The following MVB12B variants were observed in gnomAD, a reference collection of about 807,000 sequenced individuals.
The protein encoded by MVB12B is ESCRT-I complex subunit MVB12B.
In MVB12B, 16 loss-of-function variants were observed where a neutral mutation model predicts 41.6. The observed-to-expected ratio is 0.38, with a 90% CI of 0.26 to 0.58. The LOEUF (loss-of-function observed/expected upper bound fraction) is 0.58, where lower values mean the gene tolerates loss of function less well. Ranked by LOEUF, MVB12B falls within the 20% of genes least tolerant of loss-of-function variation. The pLI is 0.62. For missense variants in MVB12B, 274 were observed against 380.2 expected, an observed-to-expected ratio of 0.72 and a Z score of 2.32; for synonymous variants, 133 against 139.7, an observed-to-expected ratio of 0.95 and a Z score of 0.34.
Position 126,432,811 on chromosome 9 carries a change from G to A in MVB12B, c.757+10863G>A, listed in dbSNP as rs187962034. On this transcript the variant is annotated intron_variant, in intron 7 of 9. Transcript: ENST00000361171. ...AGGATGCTTCTTTAGCACAGGTTGCGTGTGACCGTTTCCCTCCCCTCATCA... is the reference window on the plus strand; with the variant it reads ...AGGATGCTTCTTTAGCACAGGTTGCATGTGACCGTTTCCCTCCCCTCATCA... Among the ~76,000 whole-genome samples, 179 of 152,248 alleles carry A rather than the reference G, an allele frequency of 1.2e-3. 1 individual carries two copies. Among genetic ancestry groups the A allele is most frequent in the Non-Finnish European group, 8.7e-4 (59 of 68,014 alleles).
chr9:126,501,808 G>C (rs562803039), intron 9 of MVB12B, among the ~76,000 whole-genome samples: 169 of 152,290 alleles, frequency 1.1e-3, no homozygotes, highest in Middle Eastern at 6.8e-3. Context: ...AGGGCTCCTT[G>C]CTGCAGGCGG....
intron 7 of MVB12B, among the ~76,000 whole-genome samples, chr9:126,449,042 C>A (rs1016223476): frequency 6.6e-6 from 1 of 152,236 alleles, no homozygotes; most frequent in Non-Finnish European, 1.5e-5. Flanking sequence ...TGGCTGCCTC[C>A]CTGGCTGGAC....
chr9:126,378,529 C>G (rs1217434209), intron 2 of MVB12B, among the ~76,000 whole-genome samples: 1 of 152,160 alleles, frequency 6.6e-6, no homozygotes, highest in African/African-American at 2.4e-5. Context: ...CCTGAACCAT[C>G]CAGCCCTCCA....
intron 7 of MVB12B, among the ~76,000 whole-genome samples, chr9:126,462,573 T>C (rs982324713): frequency 1.1e-4 from 17 of 152,248 alleles, no homozygotes; most frequent in African/African-American, 4.1e-4. Flanking sequence ...ACCGGATAGT[T>C]CAGAGAACCT....
chr9:126,484,483 G>A (rs140246247), intron 9 of MVB12B, among the ~76,000 whole-genome samples: 13,164 of 148,992 alleles, frequency 0.088, 169 homozygotes, highest in African/African-American at 0.15. Flanking sequence ...TGCTTCATGA[G>A]GTCAGGGTAC....
chr9:126,404,850 G>A (rs745586441), intron 6 of MVB12B, among the ~76,000 whole-genome samples: 3 of 152,238 alleles, frequency 2.0e-5, no homozygotes, highest in Non-Finnish European at 2.9e-5. Context: ...CCTACAGAGC[G>A]AGGTTATTTG....
chr9:126,343,703 G>A (rs1214935199), intron 2 of MVB12B, among the ~76,000 whole-genome samples: 1 of 152,168 alleles, frequency 6.6e-6, no homozygotes, highest in Non-Finnish European at 1.5e-5. Context: ...ATCACTTGAG[G>A]TCAGGAGTTC....
At position 126,503,474 on chromosome 9, in the gene MVB12B, C is replaced by A. The variant is rs368203000; in HGVS notation, c.*211C>A. On this transcript the variant is annotated 3_prime_UTR_variant, in exon 10 of 10. Transcript: ENST00000361171. Reference sequence around the variant, plus strand: ...GCCTCCCTGGGGACATTGTTCATAACCATGACTAATCTGTGTGTGCTGTAG... The same window carrying A: ...GCCTCCCTGGGGACATTGTTCATAAACATGACTAATCTGTGTGTGCTGTAG... 306 of 594,134 alleles carry A rather than the reference C, an allele frequency of 5.2e-4. No homozygotes were observed. Among genetic ancestry groups the A allele is most frequent in the Non-Finnish European group, 8.0e-4 (267 of 332,942 alleles). The allele number at this position is 594,134 out of a possible 1,614,324, so 36.8% of individuals were successfully genotyped here.
At chr9:126,336,276 C>T (rs1299900419) in intron 1 of MVB12B, among the ~76,000 whole-genome samples, 1 of 152,234 alleles carries the variant, frequency 6.6e-6, no homozygotes, top group Non-Finnish European at 1.5e-5. Flanking sequence ...GAGATGATAT[C>T]AAAGTTCCCC....
intron 6 of MVB12B, among the ~76,000 whole-genome samples, chr9:126,415,232 A>T (rs565366416): frequency 6.6e-6 from 1 of 152,088 alleles, no homozygotes; most frequent in African/African-American, 2.4e-5. Context: ...GTTTATTCTC[A>T]TGAACCAGAG....
intron 2 of MVB12B, among the ~76,000 whole-genome samples, chr9:126,368,419 C>CT (rs1044421193): frequency 6.6e-5 from 10 of 152,192 alleles, no homozygotes; most frequent in Non-Finnish European, 1.3e-4. Flanking sequence ...CCCTGCTTTG[C>CT]TTTTTCTTCC....
At chr9:126,490,678 C>T (rs909581101) in intron 9 of MVB12B, among the ~76,000 whole-genome samples, 23 of 152,216 alleles carry the variant, frequency 1.5e-4, no homozygotes, top group Non-Finnish European at 3.2e-4. Flanking sequence ...TATTAATCAC[C>T]CGCTTAAAAT....
intron 1 of MVB12B, among the ~76,000 whole-genome samples, chr9:126,332,241 C>G (rs967215746): frequency 2.6e-5 from 4 of 152,212 alleles, no homozygotes; most frequent in Admixed American, 2.6e-4. Context: ...AAGGAAGAGT[C>G]CCCTCCTTTG....
In MVB12B at chr9:126,436,666, G is replaced by A. The variant is rs1832486124; in HGVS notation, c.757+14718G>A. 6.6e-6 allele frequency among the ~76,000 whole-genome samples: 1 copy of A among 152,278 alleles called. No individual in the cohort carries two copies. Among genetic ancestry groups the A allele is most frequent in the Middle Eastern group, 3.4e-3 (1 of 294 alleles). On this transcript the variant is annotated intron_variant, in intron 7 of 9. Coordinates refer to ENST00000361171, the MANE Select transcript of MVB12B (RefSeq NM_033446.3). This position sits in a 1 kb window ranked among gnomAD's most constrained non-coding sequence, Gnocchi z 4.1. ...TATGAAGAGTAACCTTTAAGGTCTGGTTCCTTAAATCCGTAGTGGCTCAGC... is the reference window on the plus strand; with the variant it reads ...TATGAAGAGTAACCTTTAAGGTCTGATTCCTTAAATCCGTAGTGGCTCAGC...
chr9:126,477,170 G>A (rs1186944151), intron 7 of MVB12B, among the ~76,000 whole-genome samples: 1 of 152,150 alleles, frequency 6.6e-6, no homozygotes, highest in African/African-American at 2.4e-5. Flanking sequence ...CAGAGCAGGA[G>A]TGAGAGAGAG....
At chr9:126,456,495 A>G (rs1022085135) in intron 7 of MVB12B, among the ~76,000 whole-genome samples, 1 of 152,182 alleles carries the variant, frequency 6.6e-6, no homozygotes, top group African/African-American at 2.4e-5. Flanking sequence ...TTCTTTTTGT[A>G]AAAAAGAATT....
At chr9:126,481,341 T>C in intron 7 of MVB12B, 28 bp from the exon 8 acceptor site, 1 of 1,601,104 alleles carries the variant, frequency 6.2e-7, no homozygotes, top group Non-Finnish European at 8.6e-7. Context: ...ATACCTTTAA[T>C]GCCATCTTTT....
chr9:126,416,718 T>G (rs1051376591), intron 6 of MVB12B, among the ~76,000 whole-genome samples: 2 of 152,186 alleles, frequency 1.3e-5, no homozygotes, highest in Non-Finnish European at 2.9e-5. Context: ...TCTCAGAGCC[T>G]CAGTTTCCTA....
At chr9:126,332,506 C>G (rs148188064) in intron 1 of MVB12B, among the ~76,000 whole-genome samples, 57 of 152,326 alleles carry the variant, frequency 3.7e-4, no homozygotes, top group Middle Eastern at 3.4e-3. Flanking sequence ...CCTGGCTGCA[C>G]TGAGTTAGAT....
Sources: gnomAD v4.1 joint callset for allele counts (sites outside exome capture counted in the v4.1 genomes callset) on GRCh38, gnomAD v4.1.1 for gene constraint, Gnocchi (gnomAD v3.1) non-coding constraint, MANE v1.5 for transcripts, NCBI Gene and HGNC (gene_info 2026-07-23, HGNC 2026-07-21) for gene names.